Variants in PTPRT observed in about 807,000 individuals in gnomAD.
PTPRT encodes the protein receptor-type tyrosine-protein phosphatase T.
Under a neutral mutation model 176.8 loss-of-function variants are expected in PTPRT, and 56 were observed. That is an observed-to-expected ratio of 0.32 (90% CI 0.26 to 0.40). The LOEUF (loss-of-function observed/expected upper bound fraction) is 0.40, where lower values mean the gene tolerates loss of function less well. PTPRT is among the 10% of genes least tolerant of loss of function. The pLI is 1.00. For missense variants in PTPRT, 1,540 were observed against 1,908.2 expected, an observed-to-expected ratio of 0.81 and a Z score of 3.60; for synonymous variants, 783 against 739.0, an observed-to-expected ratio of 1.06 and a Z score of -0.96.
intron 7 of PTPRT, among the ~76,000 whole-genome samples, chr20:42,670,453 T>C (rs770570859): frequency 7.2e-5 from 11 of 152,216 alleles, no homozygotes; most frequent in Non-Finnish European, 1.3e-4. Flanking sequence ...TCAATTCTAA[T>C]GACTACTCTC....
At chr20:42,059,346 G>A in the PTPRT span, among the ~76,000 whole-genome samples, 1 of 152,326 alleles carries the variant, frequency 6.6e-6, no homozygotes, top group East Asian at 1.9e-4. Context: ...GTGTAAGCAT[G>A]TCTGGAGGGC....
intron 1 of PTPRT, among the ~76,000 whole-genome samples, chr20:42,967,799 C>A (rs905811432): frequency 1.3e-5 from 2 of 151,852 alleles, no homozygotes; most frequent in African/African-American, 4.8e-5. Context: ...TGCCTTCAGC[C>A]TCGCCCTCTC....
At chr20:42,165,608 A>G (rs1417922128) in intron 16 of PTPRT, among the ~76,000 whole-genome samples, 3 of 152,252 alleles carry the variant, frequency 2.0e-5, no homozygotes, top group Non-Finnish European at 4.4e-5. Context: ...TTCTACATCT[A>G]TGCTCTGCAA....
At chr20:42,284,284 C>T (rs1238712867) in intron 12 of PTPRT, among the ~76,000 whole-genome samples, 2 of 151,872 alleles carry the variant, frequency 1.3e-5, no homozygotes, top group East Asian at 1.9e-4. Flanking sequence ...GGTGTTTATC[C>T]GTCTCCCCCA....
intron 1 of PTPRT, among the ~76,000 whole-genome samples, chr20:43,112,323 T>C (rs2012898357): frequency 6.6e-6 from 1 of 152,214 alleles, no homozygotes; most frequent in South Asian, 2.1e-4. Flanking sequence ...CCAAGGACTA[T>C]TGATGAGGGA....
chr20:42,563,202 TAA>T (rs2077183303), intron 7 of PTPRT, among the ~76,000 whole-genome samples: 1 of 152,080 alleles, frequency 6.6e-6, no homozygotes, highest in Non-Finnish European at 1.5e-5. Context: ...TGCAAAATAA[TAA>T]GAGATGTGTA....
At chr20:43,180,297 G>C (rs766246151) in intron 1 of PTPRT, among the ~76,000 whole-genome samples, 1 of 144,794 alleles carries the variant, frequency 6.9e-6, no homozygotes, top group Non-Finnish European at 1.5e-5. Context: ...GGGACTTCTC[G>C]GCCTCTAAAC....
intron 7 of PTPRT, among the ~76,000 whole-genome samples, chr20:42,619,080 G>A (rs985136563): frequency 1.4e-4 from 21 of 150,980 alleles, no homozygotes; most frequent in Non-Finnish European, 2.1e-4. Flanking sequence ...GGCTGGTACC[G>A]GTTGCTCCTT....
chr20:42,677,086 G>A (rs2425511), intron 7 of PTPRT, among the ~76,000 whole-genome samples: 3,797 of 152,242 alleles, frequency 0.025, 190 homozygotes, highest in African/African-American at 0.087. Context: ...GTAGGGATAG[G>A]AGCCTCCAGG....
intron 1 of PTPRT, among the ~76,000 whole-genome samples, chr20:43,003,120 A>G (rs1002614870): frequency 3.9e-5 from 6 of 152,142 alleles, no homozygotes; most frequent in African/African-American, 1.2e-4. Context: ...TATAATATAT[A>G]TATCTTTCAA....
At chr20:42,099,170 CCATTTATT>C (rs1985607902) in intron 26 of PTPRT, among the ~76,000 whole-genome samples, 1 of 151,898 alleles carries the variant, frequency 6.6e-6, no homozygotes. Context: ...ATCCATTTGC[CCATTTATT>C]CATTCATCCA....
chr20:43,079,337 T>C (rs2011375719), intron 1 of PTPRT, among the ~76,000 whole-genome samples: 1 of 151,920 alleles, frequency 6.6e-6, no homozygotes, highest in African/African-American at 2.4e-5. Context: ...GTAGGAAAAA[T>C]TCCCACTTTG....
At chr20:42,826,580 TC>T (rs2077997976) in intron 2 of PTPRT, among the ~76,000 whole-genome samples, 1 of 152,178 alleles carries the variant, frequency 6.6e-6, no homozygotes, top group South Asian at 2.1e-4. Context: ...TTGGCTAAGA[TC>T]AAATGTAGTA....
chr20:42,990,617 G>A (rs936148687), intron 1 of PTPRT, among the ~76,000 whole-genome samples: 3 of 152,120 alleles, frequency 2.0e-5, no homozygotes, highest in African/African-American at 7.2e-5. Context: ...ACACAATAGT[G>A]AAGATGATAT....
At chr20:42,646,030 T>C (rs1266141579) in intron 7 of PTPRT, among the ~76,000 whole-genome samples, 1 of 152,158 alleles carries the variant, frequency 6.6e-6, no homozygotes, top group African/African-American at 2.4e-5. Context: ...TTGTTGATTA[T>C]TGTAGTAGAC....
At chr20:42,070,852 A>T, downstream of PTPRT, among the ~76,000 whole-genome samples, 1 of 152,224 alleles carries the variant, frequency 6.6e-6, no homozygotes, top group East Asian at 1.9e-4. Flanking sequence ...TTTTGGGGAA[A>T]GATGATATGC....
intron 7 of PTPRT, among the ~76,000 whole-genome samples, chr20:42,602,145 T>G (rs2073793638): frequency 6.6e-6 from 1 of 152,196 alleles, no homozygotes; most frequent in African/African-American, 2.4e-5. Context: ...GAAATGTAAT[T>G]TAGTGGGTGG....
At chr20:42,519,210 T>C (rs2072125130) in intron 7 of PTPRT, among the ~76,000 whole-genome samples, 1 of 152,204 alleles carries the variant, frequency 6.6e-6, no homozygotes, top group South Asian at 2.1e-4. Flanking sequence ...AAGAATGTTA[T>C]ATAAATAGAA....
rs6030644 is a variant in PTPRT, at chr20:43,094,095, T to C, written c.88+95551A>G. On this transcript the variant is annotated intron_variant, in intron 1 of 30. Coordinates refer to ENST00000373187, the MANE Select transcript of PTPRT (RefSeq NM_007050.6). ...TGTTTTTTTCTTTCTTTCTTTCTTT[T>C]TTTTTTTTTTTTTGACGGAGTCTTG... Among the ~76,000 whole-genome samples the C allele has an allele frequency of 3.1e-3, 390 of 124,176 alleles. 2 individuals carry two copies. The highest frequency in any genetic ancestry group is 1.0e-2 in the African/African-American group (282 of 28,252). The allele number at this position is 124,176 out of a possible 152,430, so 81.5% of individuals were successfully genotyped here.
Sources: allele counts gnomAD v4.1 joint callset (sites outside exome capture counted in the v4.1 genomes callset), GRCh38; gene constraint gnomAD v4.1.1; transcripts MANE v1.5; gene names NCBI Gene and HGNC (gene_info 2026-07-23, HGNC 2026-07-21).